ENTREP2: variants seen among roughly 807,000 people sequenced by gnomAD.
ENTREP2 encodes protein ENTREP2.
the ENTREP2 span, among the ~76,000 whole-genome samples, chr15:29,606,512 A>G: frequency 6.6e-6 from 1 of 152,012 alleles, no homozygotes; most frequent in Non-Finnish European, 1.5e-5. Context: ...TGTTGGTAGC[A>G]ATTTGCTATG....
chr15:29,334,853 G>C, the ENTREP2 span, among the ~76,000 whole-genome samples: 1 of 152,228 alleles, frequency 6.6e-6, no homozygotes, highest in African/African-American at 2.4e-5. Flanking sequence ...CACGTGGTGA[G>C]GAAGCCCAGG....
the ENTREP2 span, among the ~76,000 whole-genome samples, chr15:29,262,658 C>T: frequency 1.6e-4 from 25 of 152,192 alleles, no homozygotes; most frequent in Non-Finnish European, 3.4e-4. Context: ...TTTGCAATAC[C>T]CTTTATAATA....
At chr15:29,620,811 T>C in the ENTREP2 span, among the ~76,000 whole-genome samples, 6 of 152,124 alleles carry the variant, frequency 3.9e-5, no homozygotes, top group East Asian at 3.9e-4. Flanking sequence ...GGGTTCATCT[T>C]ACTGAGAGGT....
chr15:29,564,366 C>T, the ENTREP2 span, among the ~76,000 whole-genome samples: 3 of 152,280 alleles, frequency 2.0e-5, no homozygotes, highest in East Asian at 5.8e-4. Context: ...TTTTTGAGAT[C>T]TTTTTCCTTG....
the ENTREP2 span, among the ~76,000 whole-genome samples, chr15:29,670,067 C>T: frequency 6.6e-6 from 1 of 152,192 alleles, no homozygotes; most frequent in African/African-American, 2.4e-5. Flanking sequence ...AAGTTTATCG[C>T]ATCTTGTATT....
At chr15:29,553,983 C>G in the ENTREP2 span, among the ~76,000 whole-genome samples, 10 of 152,140 alleles carry the variant, frequency 6.6e-5, no homozygotes, top group African/African-American at 2.4e-4. Flanking sequence ...TTGAGGATAA[C>G]TTGTGATGTT....
chr15:29,630,786 C>T, the ENTREP2 span, among the ~76,000 whole-genome samples: 3 of 152,192 alleles, frequency 2.0e-5, no homozygotes, highest in African/African-American at 7.2e-5. Context: ...CTCCCGGGTT[C>T]AAGTGATTCT....
the ENTREP2 span, among the ~76,000 whole-genome samples, chr15:29,553,059 G>A: frequency 1.3e-5 from 2 of 152,240 alleles, no homozygotes; most frequent in South Asian, 2.1e-4. Context: ...ACTTTGGGAG[G>A]CCAAGGCGGG....
At chr15:29,499,481 A>G in the ENTREP2 span, among the ~76,000 whole-genome samples, 53,171 of 151,596 alleles carry the variant, frequency 0.35, 9,886 homozygotes, top group African/African-American at 0.48. Flanking sequence ...ACTCCTTGAG[A>G]GATGATCCTC....
chr15:29,462,460 A>G, the ENTREP2 span, among the ~76,000 whole-genome samples: 1 of 151,986 alleles, frequency 6.6e-6, no homozygotes, highest in Non-Finnish European at 1.5e-5. Flanking sequence ...AATACAAAAA[A>G]TTAGCCAGGT....
the ENTREP2 span, among the ~76,000 whole-genome samples, chr15:29,274,684 A>G: frequency 6.6e-6 from 1 of 152,302 alleles, no homozygotes; most frequent in Middle Eastern, 3.4e-3. Context: ...ACAAAGTTGT[A>G]TATACTGCAG....
the ENTREP2 span, among the ~76,000 whole-genome samples, chr15:29,614,892 AT>A: frequency 4.0e-5 from 6 of 149,444 alleles, no homozygotes; most frequent in Admixed American, 6.7e-5. Context: ...CCACGTCTCT[AT>A]TTTTTTTTTA....
the ENTREP2 span, among the ~76,000 whole-genome samples, chr15:29,601,919 T>C: frequency 1.3e-5 from 2 of 152,208 alleles, no homozygotes; most frequent in Non-Finnish European, 2.9e-5. Flanking sequence ...AAGGTCATGA[T>C]TGGTAACTGA....
chr15:29,649,727 C>CAAAA, the ENTREP2 span, among the ~76,000 whole-genome samples: 857 of 66,602 alleles, frequency 0.013, 2 homozygotes, highest in African/African-American at 0.029. Flanking sequence ...TCAACAACAA[C>CAAAA]AAAAAAAAAA....
the ENTREP2 span, among the ~76,000 whole-genome samples, chr15:29,502,969 G>A: frequency 1.3e-5 from 2 of 151,992 alleles, no homozygotes; most frequent in Admixed American, 6.6e-5. Context: ...ATAAGTGTTG[G>A]CAAGAATATG....
At chr15:29,563,143 T>C in the ENTREP2 span, among the ~76,000 whole-genome samples, 65 of 152,330 alleles carry the variant, frequency 4.3e-4, no homozygotes, top group Non-Finnish European at 6.5e-4. Flanking sequence ...AACATGTCAA[T>C]GCTGACTATT....
the ENTREP2 span, among the ~76,000 whole-genome samples, chr15:29,270,776 A>G: frequency 6.6e-6 from 1 of 152,244 alleles, no homozygotes; most frequent in African/African-American, 2.4e-5. Context: ...TCAAACCATC[A>G]GCAGTCTGCT....
At chr15:29,522,770 C>A in the ENTREP2 span, among the ~76,000 whole-genome samples, 1 of 152,116 alleles carries the variant, frequency 6.6e-6, no homozygotes, top group East Asian at 1.9e-4. Flanking sequence ...AAGAAACCAC[C>A]TAGAAGGCTG....
At chr15:29,665,641 A>G in the ENTREP2 span, among the ~76,000 whole-genome samples, 1 of 152,304 alleles carries the variant, frequency 6.6e-6, no homozygotes, top group South Asian at 2.1e-4. Context: ...CCTGAACAGC[A>G]TGCCAGCTGC....
Sources: gnomAD v4.1 joint callset for allele counts (sites outside exome capture counted in the v4.1 genomes callset) on GRCh38, gnomAD v4.1.1 for gene constraint, MANE v1.5 for transcripts, NCBI Gene and HGNC (gene_info 2026-07-23, HGNC 2026-07-21) for gene names.